TBL1XR1: variants seen among roughly 807,000 people sequenced by gnomAD.
TBL1XR1 encodes the protein TBL1X/Y related 1.
In TBL1XR1, 5 loss-of-function variants were observed where a neutral mutation model predicts 66.9. The observed-to-expected ratio is 0.07, with a 90% CI of 0.04 to 0.16. The LOEUF (loss-of-function observed/expected upper bound fraction) is 0.16. TBL1XR1 is among the 10% of genes least tolerant of loss of function. TBL1XR1 has a pLI of 1.00. For synonymous variants in TBL1XR1, 210 were observed against 206.0 expected (o/e 1.02, Z -0.17); for missense variants, 238 against 623.2 (o/e 0.38, Z 6.58).
At chr3:177,150,277 C>A (rs1446460361) in intron 1 of TBL1XR1, among the ~76,000 whole-genome samples, 2 of 152,054 alleles carry the variant, frequency 1.3e-5, no homozygotes, top group Non-Finnish European at 2.9e-5. Context: ...GAATGGTATT[C>A]AAGAATACAA....
At chr3:177,051,367 TGA>T (rs1717063572) in intron 5 of TBL1XR1, 135 bp downstream of exon 5, 1 of 707,446 alleles carries the variant, frequency 1.4e-6, no homozygotes, top group Non-Finnish European at 2.2e-6. Flanking sequence ...ACCTGGGTGA[TGA>T]AATAGTCTGT....
chr3:177,102,010 T>C (rs1219621702), intron 1 of TBL1XR1, among the ~76,000 whole-genome samples: 1 of 145,676 alleles, frequency 6.9e-6, no homozygotes, highest in East Asian at 2.1e-4. Flanking sequence ...TAGAAACTAA[T>C]AAGATATGGT....
intron 1 of TBL1XR1, among the ~76,000 whole-genome samples, chr3:177,185,067 G>C (rs896534262): frequency 6.6e-6 from 1 of 151,886 alleles, no homozygotes; most frequent in Non-Finnish European, 1.5e-5. Context: ...CACATGCCTC[G>C]ATTTTTCAAT....
chr3:177,068,060 C>A (rs551062832), intron 2 of TBL1XR1, among the ~76,000 whole-genome samples: 2 of 152,288 alleles, frequency 1.3e-5, no homozygotes, highest in South Asian at 4.1e-4. Context: ...CACTTCACCA[C>A]CCAGGTATCA....
intron 1 of TBL1XR1, among the ~76,000 whole-genome samples, chr3:177,165,974 C>T (rs1038617796): frequency 5.9e-5 from 9 of 152,126 alleles, no homozygotes; most frequent in African/African-American, 2.2e-4. Flanking sequence ...CCTGTAGACC[C>T]ACCTACTCAG....
intron 1 of TBL1XR1, among the ~76,000 whole-genome samples, chr3:177,154,128 A>G (rs1310720460): frequency 2.0e-5 from 3 of 151,998 alleles, no homozygotes; most frequent in African/African-American, 7.2e-5. Flanking sequence ...CAAAAATCCA[A>G]CTATATCCTG....
intron 1 of TBL1XR1, among the ~76,000 whole-genome samples, chr3:177,193,254 T>G (rs182248768): frequency 7.3e-5 from 11 of 149,990 alleles, no homozygotes; most frequent in African/African-American, 2.4e-4. Flanking sequence ...GAGTTTGAAC[T>G]CACTTTAACC....
intron 3 of TBL1XR1, among the ~76,000 whole-genome samples, chr3:177,059,292 C>T (rs1025425965): frequency 3.9e-5 from 6 of 152,028 alleles, no homozygotes; most frequent in Admixed American, 3.3e-4. Context: ...TCTGAGTCAA[C>T]AAAGAAACTG....
At chr3:177,147,622 A>T (rs535796862) in intron 1 of TBL1XR1, among the ~76,000 whole-genome samples, 3 of 152,352 alleles carry the variant, frequency 2.0e-5, no homozygotes, top group Non-Finnish European at 4.4e-5. Flanking sequence ...TCTGGAATCT[A>T]GCAAAAGAAA....
chr3:177,195,185 G>C lies in TBL1XR1; in HGVS notation c.-122+1936C>G, dbSNP rs537209792. ...TTGCGATTACATACATCTCAGTGCA[G>C]GATAGGGTTGAAAAAAAAAATCATA... On this transcript the variant is annotated intron_variant, in intron 1 of 15. Transcript: ENST00000457928. Among the ~76,000 whole-genome samples, 74 of 151,964 alleles carry C rather than the reference G, an allele frequency of 4.9e-4. 1 individual carries two copies. The highest frequency in any genetic ancestry group is 1.6e-3 in the African/African-American group (67 of 41,458).
intron 1 of TBL1XR1, among the ~76,000 whole-genome samples, chr3:177,123,685 C>T (rs1727259791): frequency 6.6e-6 from 1 of 152,018 alleles, no homozygotes; most frequent in South Asian, 2.1e-4. Flanking sequence ...ATTCATTTGC[C>T]TCAATCAGAT....
intron 14 of TBL1XR1, among the ~76,000 whole-genome samples, chr3:177,029,545 C>T (rs1432322965): frequency 6.6e-6 from 1 of 152,028 alleles, no homozygotes; most frequent in East Asian, 1.9e-4. Context: ...TAGCTAAGCC[C>T]AGGAAGGCCA....
rs1712550835 is a variant in TBL1XR1 at position 177,022,777 on chromosome 3, G to A, written c.*2721C>T. ...CAATCATGTTACTGCTCAAATTAGA[G>A]ACAATCTTATTGCTGTCTATTGGAG... On this transcript the variant is annotated 3_prime_UTR_variant, in exon 16 of 16. Coordinates refer to ENST00000457928, the MANE Select transcript of TBL1XR1 (RefSeq NM_024665.7). The A allele has an allele frequency of 6.6e-6, 1 of 152,450 alleles. No individual in the cohort carries two copies. The highest frequency in any genetic ancestry group is 6.6e-5 in the Admixed American group (1 of 15,252). 9.4% of individuals were successfully genotyped at this position (152,450 alleles called of 1,614,324 possible). A position where few individuals can be genotyped will look rare whatever the true frequency, so the allele number is the denominator to read the frequency against.
intron 10 of TBL1XR1, among the ~76,000 whole-genome samples, chr3:177,045,832 T>C (rs763623618): frequency 2.6e-5 from 4 of 151,954 alleles, no homozygotes; most frequent in Admixed American, 2.6e-4. Context: ...TTAAGTGGAG[T>C]GGAACTGACA....
At chr3:177,051,436 G>A (rs1248473251) in intron 5 of TBL1XR1, 68 bp downstream of exon 5, 17 of 1,415,556 alleles carry the variant, frequency 1.2e-5, no homozygotes, top group African/African-American at 1.5e-5. Flanking sequence ...CATGTACCCC[G>A]AATTAAAAGT....
chr3:177,201,187 C>T (rs1040707793), upstream of TBL1XR1, among the ~76,000 whole-genome samples: 7 of 150,954 alleles, frequency 4.6e-5, no homozygotes, highest in East Asian at 6.0e-4. Flanking sequence ...CCGAGGCGGG[C>T]GGATCACGAG....
chr3:177,113,128 A>G (rs1376905780), intron 1 of TBL1XR1, among the ~76,000 whole-genome samples: 2 of 152,204 alleles, frequency 1.3e-5, no homozygotes, highest in Admixed American at 6.5e-5. Context: ...CAGTGTCTTC[A>G]ATAAATGGTT....
intron 1 of TBL1XR1, among the ~76,000 whole-genome samples, chr3:177,135,334 T>TGTGTGTGTGTGTGTGTGTGTATAC (rs1394071556): frequency 2.0e-5 from 1 of 49,938 alleles, no homozygotes. Context: ...TGTGTGTGTG[T>TGTGTGTGTGTGTGTGTGTGTATAC]ATACATATAT....
chr3:177,033,678 G>GT (rs1176466175), intron 13 of TBL1XR1, among the ~76,000 whole-genome samples: 4 of 152,028 alleles, frequency 2.6e-5, no homozygotes, highest in Admixed American at 6.6e-5. Flanking sequence ...AGGAACCGAC[G>GT]TAAGTGCCCA....
Sources: gnomAD v4.1 joint callset for allele counts (sites outside exome capture counted in the v4.1 genomes callset) on GRCh38, gnomAD v4.1.1 for gene constraint, MANE v1.5 for transcripts, NCBI Gene and HGNC (gene_info 2026-07-23, HGNC 2026-07-21) for gene names.